LRRC56: variants seen among roughly 807,000 people sequenced by gnomAD.
The protein encoded by LRRC56 is leucine-rich repeat-containing protein 56.
LRRC56 carries 41 observed loss-of-function variants against 47.8 expected under a neutral mutation model. That is an observed-to-expected ratio of 0.86 (90% CI 0.67 to 1.11). The LOEUF (loss-of-function observed/expected upper bound fraction) is 1.11. Ranked by LOEUF, LRRC56 falls within the 50% of genes most tolerant of loss-of-function variation. The pLI, the probability that LRRC56 is intolerant of heterozygous loss-of-function variation, is 0.00. For synonymous variants in LRRC56, 387 were observed against 311.2 expected (o/e 1.24, Z -2.56); for missense variants, 759 against 704.2 (o/e 1.08, Z -0.88).
chr11:526,894 G>A, the LRRC56 span, among the ~76,000 whole-genome samples: 1 of 151,834 alleles, frequency 6.6e-6, no homozygotes, highest in Non-Finnish European at 1.5e-5. Flanking sequence ...CCAAGATCAC[G>A]CCACTGCACT....
the LRRC56 span, among the ~76,000 whole-genome samples, chr11:522,142 A>G: frequency 6.6e-6 from 1 of 151,886 alleles, no homozygotes; most frequent in Admixed American, 6.6e-5. Flanking sequence ...GTGCAGTGGT[A>G]CGATCACGGC....
At chr11:532,984 C>T (rs1390839287), upstream of LRRC56, among the ~76,000 whole-genome samples, 1 of 152,204 alleles carries the variant, frequency 6.6e-6, no homozygotes, top group African/African-American at 2.4e-5. Context: ...TGGCCCGGGG[C>T]CCTCCTGAAC....
At chr11:545,796 G>A (rs1441429609) in intron 6 of LRRC56, among the ~76,000 whole-genome samples, 5 of 152,222 alleles carry the variant, frequency 3.3e-5, no homozygotes, top group South Asian at 2.1e-4. Flanking sequence ...TATGTAGCCT[G>A]TTCCCAGCAG....
At chr11:513,554 G>A in the LRRC56 span, among the ~76,000 whole-genome samples, 1 of 152,138 alleles carries the variant, frequency 6.6e-6, no homozygotes. Flanking sequence ...AACTTCGTTG[G>A]TACAGCAGCG....
chr11:507,674 A>C, the LRRC56 span, among the ~76,000 whole-genome samples: 23 of 152,144 alleles, frequency 1.5e-4, no homozygotes, highest in Non-Finnish European at 2.8e-4. Context: ...TCGGGACAGG[A>C]GGGACCCGGG....
At chr11:514,237 G>T in the LRRC56 span, among the ~76,000 whole-genome samples, 1 of 148,268 alleles carries the variant, frequency 6.7e-6, no homozygotes, top group Non-Finnish European at 1.5e-5. Context: ...CAGGTGATCC[G>T]CCCACCTTGG....
chr11:542,226 C>T (rs895982711), intron 5 of LRRC56, among the ~76,000 whole-genome samples: 7 of 151,748 alleles, frequency 4.6e-5, no homozygotes, highest in Admixed American at 6.6e-5. Flanking sequence ...ACCCCCGGCA[C>T]GCTCAGTGCC....
Position 552,428 on chromosome 11 carries a change from T to C in LRRC56, c.1182-141T>C, listed in dbSNP as rs140293176. On this transcript the variant is annotated intron_variant, in intron 12 of 13. Transcript: ENST00000270115. Reference sequence around the variant, plus strand: ...TCCCAAGGCTCGTGGACCATCCCTGTGTGTCCTGTCCCGTGGGGGGATCAG... The same window carrying C: ...TCCCAAGGCTCGTGGACCATCCCTGCGTGTCCTGTCCCGTGGGGGGATCAG... The C allele has an allele frequency of 3.0e-3, 3,409 of 1,122,964 alleles. 9 individuals are homozygous for C. Among genetic ancestry groups the C allele is most frequent in the African/African-American group, 6.9e-3 (441 of 63,870 alleles). The allele number at this position is 1,122,964 out of a possible 1,614,324, so 69.6% of individuals were successfully genotyped here.
At chr11:542,936 C>T (rs1336954864) in intron 5 of LRRC56, among the ~76,000 whole-genome samples, 1 of 152,012 alleles carries the variant, frequency 6.6e-6, no homozygotes, top group African/African-American at 2.4e-5. Context: ...CATTCTGTCG[C>T]CCAGGCTGGA....
the LRRC56 span, among the ~76,000 whole-genome samples, chr11:516,132 G>A: frequency 7.2e-5 from 11 of 152,160 alleles, no homozygotes; most frequent in African/African-American, 9.6e-5. Context: ...AAAGGTTCAC[G>A]CCTGTAATCC....
chr11:552,936 C>A (rs1414038773), intron 13 of LRRC56, among the ~76,000 whole-genome samples: 1 of 152,200 alleles, frequency 6.6e-6, no homozygotes, highest in Non-Finnish European at 1.5e-5. Flanking sequence ...CCTTGTGTGC[C>A]ACCCGGGCTG....
At chr11:520,585 C>G in the LRRC56 span, among the ~76,000 whole-genome samples, 2 of 152,186 alleles carry the variant, frequency 1.3e-5, no homozygotes, top group African/African-American at 4.8e-5. Flanking sequence ...TCCCAAAGTC[C>G]TGGCGTTACA....
At position 552,677 on chromosome 11, in the gene LRRC56, C is replaced by T. The variant is rs767073943; in HGVS notation, c.1290C>T (p.Pro430=). The stretch of plus-strand genomic sequence containing the variant: ...TGCACCAGGCAGAGCCCAAGACTCC[C>T]TCCAGCCCCCCAAGCCTGGCCTCAG... The part of the protein sequence containing the change: ...EQVHQAEPKT[P]SSPPSLASEP... Residue 430 remains proline (P), a synonymous_variant, in exon 13 of 14, where the codon CCC becomes CCT. Coordinates refer to ENST00000270115, the MANE Select transcript of LRRC56 (RefSeq NM_198075.4). The T allele has an allele frequency of 2.5e-6, 4 of 1,609,498 alleles. No individual in the cohort carries two copies. The highest frequency in any genetic ancestry group is 3.4e-6 in the Non-Finnish European group (4 of 1,178,134).
chr11:542,302 C>T (rs117957959), intron 5 of LRRC56, among the ~76,000 whole-genome samples: 4,672 of 152,168 alleles, frequency 0.031, 234 homozygotes, highest in East Asian at 0.15. Context: ...CACTTGGTGT[C>T]TCCTGAAACT....
chr11:516,325 G>A, the LRRC56 span, among the ~76,000 whole-genome samples: 292 of 152,120 alleles, frequency 1.9e-3, no homozygotes, highest in Middle Eastern at 0.014. Flanking sequence ...CCCCAGAGGC[G>A]GAGGCTGCAG....
intron 11 of LRRC56, 51 bp downstream of exon 11, chr11:552,018 G>A (rs376337376): frequency 5.0e-5 from 81 of 1,609,206 alleles, no homozygotes; most frequent in South Asian, 5.5e-5. Context: ...CCAGGGTTGC[G>A]GCCCTGACAG....
At position 540,803 on chromosome 11, in the gene LRRC56, G is replaced by A; in HGVS notation, c.119G>A (p.Ser40Asn). 1 of 1,603,046 alleles carries A rather than the reference G, an allele frequency of 6.2e-7. No individual in the cohort carries two copies. Among genetic ancestry groups the A allele is most frequent in the Non-Finnish European group, 8.5e-7 (1 of 1,175,580 alleles). Reference sequence around the variant, plus strand: ...TGCCCACAGAGCAAGGGCCCTGGCAGTCAGAGGGACAGACTTGGAGAGCAG... The same window carrying A: ...TGCCCACAGAGCAAGGGCCCTGGCAATCAGAGGGACAGACTTGGAGAGCAG... Reference protein sequence around the residue: ...NPCPQSKGPGSQRDRLGEQLV... With the variant: ...NPCPQSKGPGNQRDRLGEQLV... Residue 40 changes from serine (S) to asparagine (N), a missense_variant, in exon 4 of 14, where the codon AGT (serine) becomes AAT (asparagine). Ser to Asn is a conservative substitution (Grantham distance 46). Coordinates refer to ENST00000270115, the MANE Select transcript of LRRC56 (RefSeq NM_198075.4).
chr11:509,696 T>C, the LRRC56 span, among the ~76,000 whole-genome samples: 1 of 150,358 alleles, frequency 6.7e-6, no homozygotes, highest in Non-Finnish European at 1.5e-5. Flanking sequence ...TACAGGCACC[T>C]GCCACCACGC....
chr11:542,439 C>G (rs1851839355), intron 5 of LRRC56, among the ~76,000 whole-genome samples: 1 of 151,968 alleles, frequency 6.6e-6, no homozygotes, highest in South Asian at 2.1e-4. Context: ...AGCAAGACCC[C>G]TGTGTCTAAA....
Sources: gnomAD v4.1 joint callset for allele counts (sites outside exome capture counted in the v4.1 genomes callset) on GRCh38, gnomAD v4.1.1 for gene constraint, MANE v1.5 for transcripts, NCBI Gene and HGNC (gene_info 2026-07-23, HGNC 2026-07-21) for gene names.